ESR1: variants seen among roughly 807,000 people sequenced by gnomAD.
ESR1 encodes the protein estrogen receptor 1.
Under a neutral mutation model 52.7 loss-of-function variants are expected in ESR1, and 12 were observed. The ratio of observed to expected loss-of-function variants is 0.23; its 90% CI spans 0.15 to 0.37. The LOEUF is 0.37. ESR1 is among the 10% of genes least tolerant of loss of function. The pLI, the probability that ESR1 is intolerant of heterozygous loss-of-function variation, is 1.00. For synonymous variants in ESR1, 305 were observed against 316.8 expected (o/e 0.96, Z 0.39); for missense variants, 584 against 779.7 (o/e 0.75, Z 2.99).
chr6:151,906,457 ATTT>A (rs1045079000), intron 3 of ESR1, among the ~76,000 whole-genome samples: 1 of 151,884 alleles, frequency 6.6e-6, no homozygotes, highest in Non-Finnish European at 1.5e-5. Context: ...TTCTTAAGAC[ATTT>A]TTAATATTTA....
chr6:152,108,017 TTTTCAGGCTGTTTTCA>T (rs2051086582), downstream of ESR1, among the ~76,000 whole-genome samples: 1 of 152,206 alleles, frequency 6.6e-6, no homozygotes, highest in Non-Finnish European at 1.5e-5. Context: ...ATGCATTCAA[TTTTCAGGCTGTTTTCA>T]ACTCTGACTC....
At chr6:151,895,488 A>G (rs1795353170) in intron 3 of ESR1, among the ~76,000 whole-genome samples, 1 of 152,150 alleles carries the variant, frequency 6.6e-6, no homozygotes, top group South Asian at 2.1e-4. Context: ...AATGCTTTCA[A>G]CTTTTCCCCA....
At chr6:151,813,495 A>G (rs972293781) in intron 1 of ESR1, 5 of 152,210 alleles carry the variant, frequency 3.3e-5, no homozygotes, top group Non-Finnish European at 7.3e-5. Context: ...CAGAAATCCA[A>G]TCCTTTAAAT....
chr6:151,911,301 G>A (rs902283777), intron 3 of ESR1, among the ~76,000 whole-genome samples: 1 of 152,176 alleles, frequency 6.6e-6, no homozygotes, highest in Non-Finnish European at 1.5e-5. Context: ...TATCCGTCGT[G>A]CTAACCAATG....
At chr6:151,704,455 A>G (rs1181697052) in intron 2 of ESR1, among the ~76,000 whole-genome samples, 1 of 151,600 alleles carries the variant, frequency 6.6e-6, no homozygotes, top group Non-Finnish European at 1.5e-5. Flanking sequence ...ATGTTTCACC[A>G]TGTTGACCAG....
At chr6:151,699,974 T>A (rs569722927) in intron 1 of ESR1, among the ~76,000 whole-genome samples, 1 of 151,432 alleles carries the variant, frequency 6.6e-6, no homozygotes, top group African/African-American at 2.4e-5. Flanking sequence ...GGGGTGGAGG[T>A]AGAATGTCAA....
chr6:151,974,240 A>G (rs899033385), intron 4 of ESR1, among the ~76,000 whole-genome samples: 2 of 152,230 alleles, frequency 1.3e-5, no homozygotes. Flanking sequence ...TAATTTAATC[A>G]TTGAGATAAG....
At chr6:151,688,237 AC>A (rs1778764631), upstream of ESR1, among the ~76,000 whole-genome samples, 3 of 152,332 alleles carry the variant, frequency 2.0e-5, no homozygotes, top group African/African-American at 7.2e-5. Context: ...AACTGTTTTT[AC>A]CCATTCACTG....
At chr6:151,952,579 G>A (rs113765221) in intron 4 of ESR1, among the ~76,000 whole-genome samples, 5 of 152,256 alleles carry the variant, frequency 3.3e-5, no homozygotes, top group African/African-American at 9.6e-5. Flanking sequence ...TTTGAATTGA[G>A]TTTGCTGTCA....
intron 3 of ESR1, among the ~76,000 whole-genome samples, chr6:151,893,644 C>T (rs1795026552): frequency 6.6e-6 from 1 of 151,996 alleles, no homozygotes; most frequent in Admixed American, 6.6e-5. Flanking sequence ...ATTATTGATA[C>T]ATTATGTATG....
At position 152,118,846 on chromosome 6, in the gene ESR1, G is replaced by A. The variant is rs2051241525; in HGVS notation, c.851-6420G>A. Reference sequence around the variant, plus strand: ...GGTCCTCCCCGAGAGGACTCCCCGAGGGAGCTTGGAGCAGTTCCTGCCACA... The same window carrying A: ...GGTCCTCCCCGAGAGGACTCCCCGAAGGAGCTTGGAGCAGTTCCTGCCACA... On this transcript the variant is annotated intron_variant, in intron 6 of 6. Coordinates refer to the ESR1 transcript ENST00000427531. Among the ~76,000 whole-genome samples the A allele has an allele frequency of 2.6e-5, 4 of 152,150 alleles. No individual in the cohort carries two copies. The South Asian group carries it at 8.3e-4, about 32-fold the overall frequency.
chr6:152,122,446 G>A lies in ESR1; in HGVS notation c.851-2820G>A. 1 of 1,614,164 alleles carries A rather than the reference G, an allele frequency of 6.2e-7. No individual in the cohort carries two copies. The highest frequency in any genetic ancestry group is 8.5e-7 in the Non-Finnish European group (1 of 1,180,044). On this transcript the variant is annotated intron_variant, in intron 6 of 6. Coordinates refer to the ESR1 transcript ENST00000427531. ...TGGCATCTGCTTAGTTCAGAGTGGA[G>A]GAGGGCCATTCGTGTATCTGAGCAT...
intron 6 of ESR1, among the ~76,000 whole-genome samples, chr6:152,077,159 T>G (rs573428403): frequency 1.3e-5 from 2 of 152,262 alleles, no homozygotes; most frequent in South Asian, 4.1e-4. Flanking sequence ...GCCTAGGAAC[T>G]TGGTGCCCTG....
intron 2 of ESR1, among the ~76,000 whole-genome samples, chr6:151,776,324 G>A (rs2128114965): frequency 6.6e-6 from 1 of 152,280 alleles, no homozygotes; most frequent in African/African-American, 2.4e-5. Flanking sequence ...GGGATTTGTG[G>A]GGCAAGACCA....
At chr6:151,883,926 T>C (rs1040650791) in intron 3 of ESR1, among the ~76,000 whole-genome samples, 5 of 152,158 alleles carry the variant, frequency 3.3e-5, no homozygotes, top group Middle Eastern at 3.2e-3. Context: ...CAGGACCTCA[T>C]TGAATCTTAA....
At chr6:151,703,804 T>C (rs1779976511) in intron 2 of ESR1, among the ~76,000 whole-genome samples, 1 of 152,170 alleles carries the variant, frequency 6.6e-6, no homozygotes, top group South Asian at 2.1e-4. Flanking sequence ...AGTCCCTGAG[T>C]AGTCTTGCAT....
At chr6:151,836,538 C>T (rs1783360832) in intron 1 of ESR1, among the ~76,000 whole-genome samples, 1 of 152,158 alleles carries the variant, frequency 6.6e-6, no homozygotes, top group Admixed American at 6.5e-5. Context: ...AGCTACAATT[C>T]AAGATAAGAT....
intron 6 of ESR1, among the ~76,000 whole-genome samples, chr6:152,091,796 G>A (rs982579577): frequency 6.6e-6 from 1 of 152,128 alleles, no homozygotes; most frequent in Non-Finnish European, 1.5e-5. Context: ...TCCAGGCAGG[G>A]ACATCCAAGC....
intron 2 of ESR1, chr6:151,702,137 AGG>A: frequency 6.6e-6 from 1 of 152,188 alleles, no homozygotes; most frequent in East Asian, 1.9e-4. Flanking sequence ...GTGTATTGTC[AGG>A]GGCTTAGCAG....
Sources: gnomAD v4.1 joint callset for allele counts (sites outside exome capture counted in the v4.1 genomes callset) on GRCh38, gnomAD v4.1.1 for gene constraint, MANE v1.5 for transcripts, NCBI Gene and HGNC (gene_info 2026-07-23, HGNC 2026-07-21) for gene names.